Variants in SANBR observed in about 807,000 individuals in gnomAD.
The protein encoded by SANBR is SANT and BTB domain regulator of CSR.
A neutral mutation model predicts 101.8 loss-of-function variants in SANBR; 77 were observed. That is an observed-to-expected ratio of 0.76 (90% confidence interval 0.63 to 0.91). SANBR has a LOEUF of 0.91. Ranked by LOEUF, SANBR falls within the 40% of genes least tolerant of loss-of-function variation. The pLI is 0.00. For missense variants in SANBR, 875 were observed against 853.0 expected (o/e 1.03, Z -0.32); for synonymous variants, 279 against 274.7 (o/e 1.02, Z -0.15).
chr2:61,100,351 C>A (rs1454516713), intron 12 of SANBR, among the ~76,000 whole-genome samples: 1 of 152,158 alleles, frequency 6.6e-6, no homozygotes, highest in African/African-American at 2.4e-5. Context: ...ATGACCTGCC[C>A]ATCTGGGCCT....
downstream of SANBR, among the ~76,000 whole-genome samples, chr2:61,125,357 T>C (rs1025899629): frequency 6.6e-6 from 1 of 152,246 alleles, no homozygotes. Flanking sequence ...CGTATATGTA[T>C]TTAGTGCAAG....
intron 8 of SANBR, among the ~76,000 whole-genome samples, chr2:61,083,868 C>CA (rs773025883): frequency 0.053 from 6,120 of 114,736 alleles, 121 homozygotes; most frequent in Admixed American, 0.057. Context: ...GACTCCGTCT[C>CA]AAAAAAAAAA....
At chr2:61,076,335 A>C (rs182094967) in intron 5 of SANBR, among the ~76,000 whole-genome samples, 62 of 148,850 alleles carry the variant, frequency 4.2e-4, no homozygotes, top group African/African-American at 1.4e-3. Context: ...ATAAATTTCA[A>C]GGCTGGGCGC....
intron 20 of SANBR, among the ~76,000 whole-genome samples, chr2:61,120,224 C>T (rs190459149): frequency 7.9e-5 from 12 of 152,206 alleles, no homozygotes; most frequent in Non-Finnish European, 1.2e-4. Context: ...AACATTGGAC[C>T]GGGTGCAGTG....
intron 12 of SANBR, among the ~76,000 whole-genome samples, chr2:61,103,310 T>G (rs1259988454): frequency 1.3e-5 from 2 of 151,932 alleles, no homozygotes; most frequent in Non-Finnish European, 2.9e-5. Flanking sequence ...GCTAATTTTT[T>G]TCTTCCTTTT....
chr2:61,117,404 T>C lies in SANBR; in HGVS notation c.1865+19T>C, dbSNP rs762674852. On this transcript the variant is annotated intron_variant, in intron 18 of 21. Transcript: ENST00000402291. ...CTTTCGTGTGAGTATTGCTCCTTAA[T>C]CCAATCGGATATCCACTCTTAAAGA... 4.3e-6 allele frequency: 7 copies of C among 1,613,580 alleles called. No individual in the cohort carries two copies. Among genetic ancestry groups the C allele is most frequent in the Non-Finnish European group, 5.9e-6 (7 of 1,179,630 alleles).
chr2:61,104,210 C>T (rs147447277), intron 13 of SANBR, among the ~76,000 whole-genome samples: 2,663 of 152,174 alleles, frequency 0.017, 43 homozygotes, highest in Non-Finnish European at 0.022. Context: ...TGGCTGGGCG[C>T]GGTGGCTCAC....
intron 8 of SANBR, among the ~76,000 whole-genome samples, chr2:61,086,759 A>C (rs1280736951): frequency 1.3e-5 from 2 of 152,136 alleles, no homozygotes; most frequent in Non-Finnish European, 2.9e-5. Context: ...TTTTTTTAGG[A>C]AGGGAGATAC....
Position 61,097,681 on chromosome 2 carries a change from T to G in SANBR, c.1213-19T>G. 6.5e-7 allele frequency: 1 copy of G among 1,539,310 alleles called. No homozygotes were observed. Among genetic ancestry groups the G allele is most frequent in the Non-Finnish European group, 8.9e-7 (1 of 1,128,120 alleles). On this transcript the variant is annotated intron_variant, in intron 11 of 21. Coordinates refer to ENST00000402291, the MANE Select transcript of SANBR (RefSeq NM_001129993.3). ...TTTGTTGTGGAAATAGTAGTTGATT[T>G]TATCTATGTCTTTATCAGGCCTTTC...
At chr2:61,132,336 C>G (rs1446914767) in intron 20 of SANBR, among the ~76,000 whole-genome samples, 1 of 151,914 alleles carries the variant, frequency 6.6e-6, no homozygotes, top group Non-Finnish European at 1.5e-5. Flanking sequence ...GAAAAATAAC[C>G]CAATTTTTAA....
downstream of SANBR, chr2:61,124,346 T>C (rs747875699): frequency 3.0e-5 from 21 of 701,610 alleles, no homozygotes; most frequent in Non-Finnish European, 3.5e-5. Flanking sequence ...GGAGTAGCTC[T>C]AGATTCCACA....
Position 61,071,812 on chromosome 2 carries a change from TGTA to T in SANBR, c.337+24_337+26del, listed in dbSNP as rs1681489007. ...AAACTGGTAAGGTTTTAAACTAAAA[TGTA>T]GTACTTGCCCTTATGAAAATTCTGC... On this transcript the variant is annotated intron_variant, in intron 4 of 21. Coordinates refer to ENST00000402291, the MANE Select transcript of SANBR (RefSeq NM_001129993.3). The T allele has an allele frequency of 1.3e-6, 2 of 1,495,174 alleles. No individual in the cohort carries two copies. Among genetic ancestry groups the T allele is most frequent in the African/African-American group, 2.8e-5 (2 of 70,506 alleles). 92.6% of individuals were successfully genotyped at this position (1,495,174 alleles called of 1,614,324 possible). A position where few individuals can be genotyped will look rare whatever the true frequency, so the allele number is the denominator to read the frequency against.
chr2:61,071,828 A>G (rs763040419), intron 4 of SANBR, 36 bp downstream of exon 4: 2 of 1,339,110 alleles, frequency 1.5e-6, no homozygotes, highest in South Asian at 2.7e-5. Flanking sequence ...ACTTGCCCTT[A>G]TGAAAATTCT....
intron 6 of SANBR, among the ~76,000 whole-genome samples, chr2:61,079,097 G>A (rs1246936015): frequency 2.0e-5 from 3 of 151,964 alleles, no homozygotes; most frequent in Admixed American, 6.6e-5. Context: ...ATGTAAATAG[G>A]TTTTTTGTTC....
intron 5 of SANBR, among the ~76,000 whole-genome samples, chr2:61,073,879 A>G (rs183702105): frequency 1.2e-4 from 18 of 152,284 alleles, no homozygotes; most frequent in African/African-American, 3.6e-4. Context: ...TTTACTAAAG[A>G]AATTGGATGT....
At chr2:61,098,584 G>A (rs1242256618) in intron 12 of SANBR, among the ~76,000 whole-genome samples, 3 of 152,100 alleles carry the variant, frequency 2.0e-5, no homozygotes, top group Non-Finnish European at 4.4e-5. Flanking sequence ...ACATGTAGGT[G>A]GTTTCTAGAC....
At chr2:61,070,224 ACTTTTC>A (rs1414523885) in intron 2 of SANBR, 112 bp from the exon 3 acceptor site, 3 of 672,710 alleles carry the variant, frequency 4.5e-6, no homozygotes, top group Admixed American at 3.8e-5. Flanking sequence ...GGTCAGTTTT[ACTTTTC>A]CTTTACATGG....
intron 2 of SANBR, chr2:61,069,775 A>G (rs1002604602): frequency 6.6e-6 from 1 of 152,452 alleles, no homozygotes; most frequent in South Asian, 2.1e-4. Flanking sequence ...TTTCTTTTCT[A>G]TTTGATATCA....
Position 61,121,249 on chromosome 2 carries a change from G to A in SANBR, c.2093G>A (p.Arg698His), listed in dbSNP as rs189329506. The A allele has an allele frequency of 2.5e-5, 38 of 1,550,914 alleles. 1 individual carries two copies. The East Asian group carries it at 4.1e-4, about 17-fold the overall frequency. The change falls in exon 21 of 22, where the codon CGC becomes CAC. Residue 698 changes from arginine to histidine, a missense_variant. Transcript: ENST00000402291. Reference protein sequence around the residue: ...QIKASVPVSARQSSSEKNTRS... With the variant: ...QIKASVPVSAHQSSSEKNTRS... ...AAGGCCTCAGTGCCAGTTAGTGCACGCCAAAGCAGCTCAGAGAAAAACACA... is the reference window on the plus strand; with the variant it reads ...AAGGCCTCAGTGCCAGTTAGTGCACACCAAAGCAGCTCAGAGAAAAACACA...
Sources: allele counts gnomAD v4.1 joint callset (sites outside exome capture counted in the v4.1 genomes callset), GRCh38; gene constraint gnomAD v4.1.1; transcripts MANE v1.5; gene names NCBI Gene and HGNC (gene_info 2026-07-23, HGNC 2026-07-21).